EMSY: variants seen among roughly 807,000 people sequenced by gnomAD.
EMSY encodes BRCA2-interacting transcriptional repressor EMSY.
EMSY carries 26 observed loss-of-function variants against 134.6 expected under a neutral mutation model. That is an observed-to-expected ratio of 0.19 (90% confidence interval 0.14 to 0.27). EMSY has a LOEUF of 0.27. EMSY is among the 10% of genes least tolerant of loss of function. EMSY has a pLI of 1.00. For missense variants in EMSY, 1,305 were observed against 1,611.4 expected (o/e 0.81, Z 3.26); for synonymous variants, 579 against 577.8 (o/e 1.00, Z -0.03).
At position 76,544,246 on chromosome 11, in the gene EMSY, C is replaced by G; in HGVS notation, c.2710-13C>G. On this transcript the variant is annotated splice_polypyrimidine_tract_variant and intron_variant, in intron 18 of 20. Coordinates refer to ENST00000334736, the Ensembl canonical transcript of EMSY. Reference sequence around the variant, plus strand: ...TTCTTATTTCATTCTTACTTTGTGCCTTTTTTACTTAGGCATTAAGCAGTC... The same window carrying G: ...TTCTTATTTCATTCTTACTTTGTGCGTTTTTTACTTAGGCATTAAGCAGTC... 1 of 1,587,472 alleles carries G rather than the reference C, an allele frequency of 6.3e-7. No homozygotes were observed. The highest frequency in any genetic ancestry group is 8.6e-7 in the Non-Finnish European group (1 of 1,163,680).
chr11:76,479,081 ATTC>A (rs1948872918), intron 8 of EMSY, among the ~76,000 whole-genome samples: 4 of 152,122 alleles, frequency 2.6e-5, no homozygotes, highest in African/African-American at 7.2e-5. Flanking sequence ...TTAAGTCCTT[ATTC>A]TTCTTGTTTT....
chr11:76,487,682 A>C (rs775357376), intron 8 of EMSY, among the ~76,000 whole-genome samples: 1 of 152,276 alleles, frequency 6.6e-6, no homozygotes, highest in Non-Finnish European at 1.5e-5. Flanking sequence ...AACTTTGCAC[A>C]AAATTATTTA....
intron 4 of EMSY, among the ~76,000 whole-genome samples, chr11:76,455,226 A>C (rs557101880): frequency 6.6e-6 from 1 of 152,072 alleles, no homozygotes; most frequent in Non-Finnish European, 1.5e-5. Context: ...TGATTTCTTT[A>C]ATACATAAAT....
chr11:76,516,198 G>A (rs2136164972), exon 11 of EMSY: 1 of 1,613,972 alleles, frequency 6.2e-7, no homozygotes, highest in Non-Finnish European at 8.5e-7. Context: ...TCGGATGGCT[G>A]CAACCCCTGG....
chr11:76,519,415 T>A (rs1739958407), intron 11 of EMSY, among the ~76,000 whole-genome samples: 1 of 152,196 alleles, frequency 6.6e-6, no homozygotes, highest in African/African-American at 2.4e-5. Flanking sequence ...ATACATTAGA[T>A]TATCAGATTT....
intron 8 of EMSY, among the ~76,000 whole-genome samples, chr11:76,489,375 T>C (rs7104298): frequency 2.6e-3 from 391 of 151,504 alleles, no homozygotes; most frequent in African/African-American, 9.1e-3. Context: ...AGTGTAAAAG[T>C]CTGTAGCTAT....
chr11:76,513,247 A>T, intron 9 of EMSY, 139 bp from the exon 11 acceptor site: 1 of 598,350 alleles, frequency 1.7e-6, no homozygotes, highest in Non-Finnish European at 2.6e-6. Flanking sequence ...ATAAAAGTTT[A>T]GAGTTTCATC....
intron 4 of EMSY, among the ~76,000 whole-genome samples, chr11:76,457,594 GATA>G (rs1947926900): frequency 6.6e-6 from 1 of 152,096 alleles, no homozygotes. Flanking sequence ...TAACAGGAAG[GATA>G]ATAACAATAC....
At position 76,458,127 on chromosome 11, in the gene EMSY, T is replaced by C. The variant is rs1423707159; in HGVS notation, c.246-56T>C. The C allele has an allele frequency of 1.1e-5, 16 of 1,481,698 alleles. No individual in the cohort carries two copies. In the East Asian group the frequency reaches 3.8e-4, roughly 35 times the overall value. 91.8% of individuals were successfully genotyped at this position (1,481,698 alleles called of 1,614,324 possible). ...GTTATATATGTTTGAGCATATATGT[T>C]TGATTTGTTTTTAGTGATTGAAAAC... On this transcript the variant is annotated intron_variant, in intron 4 of 20. Coordinates refer to ENST00000334736, the Ensembl canonical transcript of EMSY.
intron 17 of EMSY, 127 bp downstream of exon 18, chr11:76,539,767 G>A: frequency 1.1e-6 from 1 of 888,850 alleles, no homozygotes; most frequent in Non-Finnish European, 1.8e-6. Flanking sequence ...TTAGTGAAAG[G>A]AAGAGAGATT....
exon 21 of EMSY, chr11:76,551,253 AG>A (rs143186224): frequency 6.6e-6 from 1 of 150,916 alleles, no homozygotes; most frequent in African/African-American, 2.5e-5. Flanking sequence ...GAAAGGGGTA[AG>A]GGGGTGGGAG....
intron 11 of EMSY, among the ~76,000 whole-genome samples, chr11:76,521,765 TAA>T (rs757237301): frequency 1.3e-4 from 16 of 126,946 alleles, no homozygotes; most frequent in African/African-American, 8.7e-5. Flanking sequence ...CTGTTTCTCT[TAA>T]AAAAAAAAAA....
chr11:76,472,519 G>A (rs1377906705), intron 7 of EMSY, 45 bp from the exon 9 acceptor site: 3 of 1,533,102 alleles, frequency 2.0e-6, no homozygotes, highest in Admixed American at 1.7e-5. Context: ...AGATACATTA[G>A]TAGTTTAGTA....
At chr11:76,523,415 G>A in intron 12 of EMSY, 124 bp downstream of exon 13, 1 of 1,079,000 alleles carries the variant, frequency 9.3e-7, no homozygotes, top group Non-Finnish European at 1.3e-6. Context: ...TACCACTGCT[G>A]GGATATAACA....
rs1176761237 is a variant in EMSY at position 76,446,319 on chromosome 11, G to GTGTATATATATATGTATATATA, written c.-39-578_-39-577insATATATATATGTATATATATGT. The stretch of plus-strand genomic sequence containing the variant: ...TGAGAGAGTATATATATATGTGTGT[G>GTGTATATATATATGTATATATA]TGTGTATATATATATGTATATATAT... On this transcript the variant is annotated intron_variant, in intron 1 of 20. Transcript: ENST00000334736. 4.0e-3 allele frequency among the ~76,000 whole-genome samples: 459 copies of GTGTATATATATATGTATATATA among 114,296 alleles called. 2 individuals are homozygous for GTGTATATATATATGTATATATA. Among genetic ancestry groups the GTGTATATATATATGTATATATA allele is most frequent in the Middle Eastern group, 8.8e-3 (2 of 228 alleles). The allele number at this position is 114,296 out of a possible 152,430, so 75.0% of individuals were successfully genotyped here. A position where few individuals can be genotyped will look rare whatever the true frequency, so the allele number is the denominator to read the frequency against.
chr11:76,511,580 A>G (rs1165479434), intron 9 of EMSY, among the ~76,000 whole-genome samples: 1 of 152,016 alleles, frequency 6.6e-6, no homozygotes, highest in Non-Finnish European at 1.5e-5. Flanking sequence ...GGCCCCTGTA[A>G]TCCCACCTAC....
chr11:76,513,862 A>G (rs952874983), intron 10 of EMSY, among the ~76,000 whole-genome samples: 4 of 152,124 alleles, frequency 2.6e-5, no homozygotes, highest in Non-Finnish European at 4.4e-5. Context: ...TATTTACCAC[A>G]TATATAGAGC....
In EMSY at chr11:76,539,644, A is replaced by C; in HGVS notation, c.2557+4A>C. On this transcript the variant is annotated splice_donor_region_variant and intron_variant, in intron 17 of 20. Transcript: ENST00000334736. ...GAGGTTGCTTTTCCCCTTCTAGGTA[A>C]GTGGTGTGCATCCATTTGTAGTATC... is the stretch of plus-strand genomic sequence containing the variant. The C allele has an allele frequency of 6.2e-7, 1 of 1,613,246 alleles. No individual in the cohort carries two copies. The highest frequency in any genetic ancestry group is 8.5e-7 in the Non-Finnish European group (1 of 1,179,224).
intron 8 of EMSY, among the ~76,000 whole-genome samples, chr11:76,479,594 G>A (rs995446635): frequency 1.3e-5 from 2 of 152,198 alleles, no homozygotes; most frequent in Non-Finnish European, 1.5e-5. Context: ...ATACCCCTGA[G>A]GGGTAATAGT....
Sources: gnomAD v4.1 joint callset for allele counts (sites outside exome capture counted in the v4.1 genomes callset) on GRCh38, gnomAD v4.1.1 for gene constraint, MANE v1.5 for transcripts, NCBI Gene and HGNC (gene_info 2026-07-23, HGNC 2026-07-21) for gene names.